The following LRFN5 variants were observed in gnomAD, a reference collection of about 807,000 sequenced individuals.
LRFN5 encodes leucine rich repeat and fibronectin type III domain containing 5.
A neutral mutation model predicts 45.6 loss-of-function variants in LRFN5; 24 were observed. The ratio of observed to expected loss-of-function variants is 0.53; its 90% CI spans 0.38 to 0.74. The LOEUF (loss-of-function observed/expected upper bound fraction) is 0.74. LRFN5 is among the 30% of genes least tolerant of loss of function. LRFN5 has a pLI of 0.00. For synonymous variants in LRFN5, 340 were observed against 313.8 expected, an observed-to-expected ratio of 1.08 and a Z score of -0.88; for missense variants, 776 against 861.5, an observed-to-expected ratio of 0.90 and a Z score of 1.24.
At chr14:41,617,971 T>C (rs938854759) in intron 1 of LRFN5, among the ~76,000 whole-genome samples, 1 of 152,184 alleles carries the variant, frequency 6.6e-6, no homozygotes, top group Admixed American at 6.5e-5. Flanking sequence ...TTTGCTGTGC[T>C]ACTTGTGTAG....
intron 1 of LRFN5, among the ~76,000 whole-genome samples, chr14:41,654,325 G>A (rs1303051436): frequency 2.6e-5 from 4 of 152,084 alleles, no homozygotes; most frequent in African/African-American, 7.2e-5. Context: ...ATAGGTAATA[G>A]GATGTGAGCT....
At chr14:41,726,012 T>C in intron 1 of LRFN5, among the ~76,000 whole-genome samples, 1 of 152,136 alleles carries the variant, frequency 6.6e-6, no homozygotes, top group Non-Finnish European at 1.5e-5. Context: ...GGTAGATTTT[T>C]CCTAGTTTTT....
chr14:41,850,755 A>G (rs1254761102), intron 2 of LRFN5, among the ~76,000 whole-genome samples: 1 of 151,840 alleles, frequency 6.6e-6, no homozygotes, highest in Admixed American at 6.6e-5. Context: ...TTATTTTTGC[A>G]GTACATTCCA....
At chr14:41,902,917 T>C (rs1300140394) in intron 5 of LRFN5, among the ~76,000 whole-genome samples, 1 of 151,688 alleles carries the variant, frequency 6.6e-6, no homozygotes, top group Non-Finnish European at 1.5e-5. Context: ...AATTTAGTAA[T>C]ATATACCATT....
chr14:41,841,003 T>C (rs1888839766), intron 2 of LRFN5, among the ~76,000 whole-genome samples: 1 of 151,926 alleles, frequency 6.6e-6, no homozygotes, highest in Non-Finnish European at 1.5e-5. Context: ...TTTAAAAATG[T>C]TACTATTCAA....
At chr14:41,896,284 TAGTTGA>T (rs1890937112) in intron 4 of LRFN5, among the ~76,000 whole-genome samples, 1 of 152,098 alleles carries the variant, frequency 6.6e-6, no homozygotes, top group Non-Finnish European at 1.5e-5. Flanking sequence ...CTTCTCAGCA[TAGTTGA>T]TTTCCAATTG....
chr14:41,746,389 C>G (rs1944666676), intron 1 of LRFN5, among the ~76,000 whole-genome samples: 1 of 151,916 alleles, frequency 6.6e-6, no homozygotes, highest in African/African-American at 2.4e-5. Flanking sequence ...ACAGAAATAT[C>G]ATACTCAGTG....
At chr14:41,855,795 A>G (rs2139085452) in intron 2 of LRFN5, among the ~76,000 whole-genome samples, 1 of 152,310 alleles carries the variant, frequency 6.6e-6, no homozygotes, top group African/African-American at 2.4e-5. Flanking sequence ...AGATGTTTTC[A>G]CTGCAAAACT....
At chr14:41,898,158 C>G (rs1890999338) in intron 4 of LRFN5, among the ~76,000 whole-genome samples, 1 of 152,026 alleles carries the variant, frequency 6.6e-6, no homozygotes, top group South Asian at 2.1e-4. Flanking sequence ...TCGTGACACT[C>G]ACCTGTGAAT....
intron 1 of LRFN5, among the ~76,000 whole-genome samples, chr14:41,698,558 A>G (rs1342326051): frequency 6.6e-6 from 1 of 151,988 alleles, no homozygotes; most frequent in Non-Finnish European, 1.5e-5. Flanking sequence ...ATATGTTTAA[A>G]GCTCCCTAGG....
intron 1 of LRFN5, among the ~76,000 whole-genome samples, chr14:41,704,007 A>AT (rs1882944864): frequency 6.6e-6 from 1 of 152,032 alleles, no homozygotes; most frequent in African/African-American, 2.4e-5. Flanking sequence ...TTACCCCAGA[A>AT]TTTTTTACCC....
chr14:41,667,463 G>C (rs1880954660), intron 1 of LRFN5, among the ~76,000 whole-genome samples: 1 of 152,142 alleles, frequency 6.6e-6, no homozygotes, highest in African/African-American at 2.4e-5. Context: ...CTGAGGAACT[G>C]AATTGTCAGT....
intron 1 of LRFN5, among the ~76,000 whole-genome samples, chr14:41,626,861 GA>G (rs1013856365): frequency 2.6e-5 from 4 of 151,884 alleles, no homozygotes; most frequent in African/African-American, 9.7e-5. Context: ...ATTAATAATA[GA>G]AAAAAACACT....
chr14:41,740,925 C>T (rs117370392), intron 1 of LRFN5, among the ~76,000 whole-genome samples: 1 of 151,988 alleles, frequency 6.6e-6, no homozygotes, highest in Non-Finnish European at 1.5e-5. Context: ...TTTCTATAAA[C>T]TAACAACAAA....
intron 2 of LRFN5, among the ~76,000 whole-genome samples, chr14:41,882,910 G>T (rs1290462101): frequency 6.9e-6 from 1 of 144,722 alleles, no homozygotes; most frequent in Non-Finnish European, 1.5e-5. Flanking sequence ...GTGTAATGGC[G>T]CGATCTCTGC....
intron 3 of LRFN5, among the ~76,000 whole-genome samples, chr14:41,890,673 C>A (rs558596439): frequency 6.7e-6 from 1 of 150,152 alleles, no homozygotes; most frequent in African/African-American, 2.5e-5. Context: ...CGCCACTGCA[C>A]TCCAGCCTGG....
intron 2 of LRFN5, among the ~76,000 whole-genome samples, chr14:41,867,131 G>A (rs1002449366): frequency 6.6e-6 from 1 of 152,014 alleles, no homozygotes; most frequent in African/African-American, 2.4e-5. Context: ...TACAAGTATG[G>A]TATGAGAATA....
intron 1 of LRFN5, among the ~76,000 whole-genome samples, chr14:41,696,463 G>T (rs1385136833): frequency 6.6e-6 from 1 of 150,540 alleles, no homozygotes; most frequent in Non-Finnish European, 1.5e-5. Flanking sequence ...AGAGCCAAAT[G>T]ATGCGGCATT....
At chr14:41,685,363 C>G (rs551710695) in intron 1 of LRFN5, among the ~76,000 whole-genome samples, 5 of 152,034 alleles carry the variant, frequency 3.3e-5, no homozygotes, top group Non-Finnish European at 7.4e-5. Context: ...TTTATTGAAG[C>G]GCTGTTCACA....
Sources: allele counts gnomAD v4.1 joint callset (sites outside exome capture counted in the v4.1 genomes callset), GRCh38; gene constraint gnomAD v4.1.1; transcripts MANE v1.5; gene names NCBI Gene and HGNC (gene_info 2026-07-23, HGNC 2026-07-21).